The following SLC38A1 variants were observed in gnomAD, a reference collection of about 807,000 sequenced individuals.
SLC38A1 encodes solute carrier family 38 member 1.
A neutral mutation model predicts 60.3 loss-of-function variants in SLC38A1; 18 were observed. The ratio of observed to expected loss-of-function variants is 0.30; its 90% CI spans 0.21 to 0.44. The LOEUF is 0.44. Ranked by LOEUF, SLC38A1 falls within the 20% of genes least tolerant of loss-of-function variation. The pLI is 1.00. For missense variants in SLC38A1, 448 were observed against 587.2 expected (o/e 0.76, Z 2.45); for synonymous variants, 196 against 212.1 (o/e 0.92, Z 0.66).
At chr12:46,224,749 GAAACTT>G (rs1265352375) in intron 5 of SLC38A1, among the ~76,000 whole-genome samples, 1 of 152,222 alleles carries the variant, frequency 6.6e-6, no homozygotes, top group Non-Finnish European at 1.5e-5. Context: ...AGTTTAGTGA[GAAACTT>G]AAAGTTTGAG....
intron 5 of SLC38A1, among the ~76,000 whole-genome samples, chr12:46,209,512 T>C (rs1940054916): frequency 6.6e-6 from 1 of 152,206 alleles, no homozygotes; most frequent in African/African-American, 2.4e-5. Context: ...AGGCTGGCAG[T>C]GACCTTAGGA....
chr12:46,225,849 T>A (rs1489965250), intron 5 of SLC38A1, among the ~76,000 whole-genome samples: 1 of 151,726 alleles, frequency 6.6e-6, no homozygotes, highest in Non-Finnish European at 1.5e-5. Flanking sequence ...AACAGCAAAA[T>A]CCAGATTGTG....
chr12:46,209,357 C>T (rs79586812), intron 5 of SLC38A1, among the ~76,000 whole-genome samples: 3,243 of 152,264 alleles, frequency 0.021, 55 homozygotes, highest in Middle Eastern at 0.075. Context: ...TTATGTAATT[C>T]GAAGCCCAAA....
intron 7 of SLC38A1, 103 bp downstream of exon 7, chr12:46,207,426 A>G: frequency 8.4e-7 from 1 of 1,189,900 alleles, no homozygotes; most frequent in East Asian, 2.4e-5. Context: ...GTGCCATTTT[A>G]GCAATGAGGA....
At chr12:46,200,770 A>T (rs919065665) in intron 13 of SLC38A1, among the ~76,000 whole-genome samples, 10 of 152,212 alleles carry the variant, frequency 6.6e-5, no homozygotes, top group Non-Finnish European at 1.5e-4. Flanking sequence ...ATGGAATCTG[A>T]CCCAATTTGC....
intron 4 of SLC38A1, 106 bp from the exon 5 acceptor site, chr12:46,229,374 CA>C: frequency 2.4e-6 from 2 of 848,714 alleles, no homozygotes; most frequent in Non-Finnish European, 3.7e-6. Flanking sequence ...AAGTAAAATT[CA>C]AGAAAATCCA....
intron 16 of SLC38A1, 82 bp downstream of exon 16, chr12:46,197,638 T>C: frequency 2.2e-6 from 2 of 908,348 alleles, no homozygotes; most frequent in Non-Finnish European, 3.5e-6. Context: ...AAAGTAGTCT[T>C]GATAGAGAGG....
chr12:46,254,293 A>G (rs1941952228), intron 1 of SLC38A1, among the ~76,000 whole-genome samples: 1 of 151,982 alleles, frequency 6.6e-6, no homozygotes, highest in African/African-American at 2.4e-5. Flanking sequence ...CAACTAACTT[A>G]AAAGCAACTG....
At chr12:46,196,056 C>T (rs984385754) in intron 16 of SLC38A1, 2 of 1,265,300 alleles carry the variant, frequency 1.6e-6, no homozygotes, top group African/African-American at 3.0e-5. Context: ...GAGCTGCAGA[C>T]CAGAGCTGTT....
intron 5 of SLC38A1, among the ~76,000 whole-genome samples, chr12:46,214,246 G>A (rs182089536): frequency 3.9e-5 from 6 of 152,228 alleles, no homozygotes; most frequent in Admixed American, 3.9e-4. Context: ...ATTCCTGAGA[G>A]TATCTTAGAC....
rs922193218 is a variant in SLC38A1, at chr12:46,268,991, G to T, written c.-674C>A. 3 of 389,794 alleles carry T rather than the reference G, an allele frequency of 7.7e-6. No homozygotes were observed. Among genetic ancestry groups the T allele is most frequent in the African/African-American group, 6.2e-5 (3 of 48,762 alleles). The allele number at this position is 389,794 out of a possible 1,614,324, so 24.1% of individuals were successfully genotyped here. ...CAGGCCATTCCTCCCCGTCCCGCGC[G>T]CGGTCTCCTCCCCTCCTGTGCGCCC... On this transcript the variant is annotated 5_prime_UTR_variant, in exon 1 of 17. Coordinates refer to ENST00000398637, the MANE Select transcript of SLC38A1 (RefSeq NM_030674.4). The surrounding 1 kb of genome is among the most constrained non-coding windows in gnomAD (Gnocchi z 4.4).
chr12:46,213,277 C>A (rs1210577092), intron 5 of SLC38A1, among the ~76,000 whole-genome samples: 2 of 152,194 alleles, frequency 1.3e-5, no homozygotes, highest in East Asian at 3.8e-4. Context: ...TTTTGAGCTT[C>A]TGGTGTGAAT....
intron 16 of SLC38A1, among the ~76,000 whole-genome samples, chr12:46,192,149 T>C (rs1170177254): frequency 2.0e-5 from 3 of 152,236 alleles, no homozygotes; most frequent in Non-Finnish European, 4.4e-5. Flanking sequence ...TGAAGCACTG[T>C]TGAATTTTGT....
chr12:46,237,140 A>G (rs1214101288), intron 3 of SLC38A1, among the ~76,000 whole-genome samples: 1 of 152,246 alleles, frequency 6.6e-6, no homozygotes, highest in African/African-American at 2.4e-5. Flanking sequence ...GCCAAGTAAC[A>G]CACCATCAAT....
chr12:46,228,489 C>T (rs1404252471), intron 5 of SLC38A1, among the ~76,000 whole-genome samples: 8 of 152,178 alleles, frequency 5.3e-5, no homozygotes, highest in Non-Finnish European at 1.0e-4. Context: ...CACTGACACT[C>T]GTGTGACATT....
At chr12:46,189,766 A>T (rs1248063239) in intron 16 of SLC38A1, among the ~76,000 whole-genome samples, 1 of 151,874 alleles carries the variant, frequency 6.6e-6, no homozygotes, top group Admixed American at 6.6e-5. Flanking sequence ...ATCTCATGAG[A>T]TCTGGTGGTT....
intron 1 of SLC38A1, among the ~76,000 whole-genome samples, chr12:46,248,377 G>T (rs1259317322): frequency 6.6e-6 from 1 of 152,194 alleles, no homozygotes; most frequent in African/African-American, 2.4e-5. Flanking sequence ...AAAAGTAGGG[G>T]TTGCAATCCT....
intron 3 of SLC38A1, among the ~76,000 whole-genome samples, chr12:46,236,719 T>G (rs991026753): frequency 2.0e-5 from 3 of 152,120 alleles, no homozygotes; most frequent in Non-Finnish European, 2.9e-5. Flanking sequence ...TCACAAGAAG[T>G]TCACATTTAG....
chr12:46,268,631 C>T lies in SLC38A1; in HGVS notation c.-314G>A. 1 of 236,000 alleles carries T rather than the reference C, an allele frequency of 4.2e-6. No individual in the cohort carries two copies. The allele number at this position is 236,000 out of a possible 1,614,324, so 14.6% of individuals were successfully genotyped here. A position where few individuals can be genotyped will look rare whatever the true frequency, so the allele number is the denominator to read the frequency against. ...TGTCCTTTGTGTCAAGGTCTGGCTG[C>T]GGAGGCCGGGAAAATGTGGCCCCCG... On this transcript the variant is annotated 5_prime_UTR_variant, in exon 1 of 17. Transcript: ENST00000398637. This position sits in a 1 kb window ranked among gnomAD's most constrained non-coding sequence, Gnocchi z 4.4.
Sources: allele counts gnomAD v4.1 joint callset (sites outside exome capture counted in the v4.1 genomes callset), GRCh38; gene constraint gnomAD v4.1.1; non-coding constraint Gnocchi (gnomAD v3.1); transcripts MANE v1.5; gene names NCBI Gene and HGNC (gene_info 2026-07-23, HGNC 2026-07-21).